ZNF148: variants seen among roughly 807,000 people sequenced by gnomAD.
ZNF148 encodes zinc finger protein 148.
A neutral mutation model predicts 67.7 loss-of-function variants in ZNF148; 7 were observed. That is an observed-to-expected ratio of 0.10 (90% CI 0.06 to 0.19). The LOEUF (loss-of-function observed/expected upper bound fraction) is 0.19, where lower values mean the gene tolerates loss of function less well. ZNF148 is among the 10% of genes least tolerant of loss of function. The pLI is 1.00. For synonymous variants in ZNF148, 333 were observed against 330.7 expected, an observed-to-expected ratio of 1.01 and a Z score of -0.08; for missense variants, 583 against 947.1, an observed-to-expected ratio of 0.62 and a Z score of 5.05.
chr3:125,287,821 A>G lies in ZNF148; in HGVS notation c.459+282T>C, dbSNP rs571188161. Among the ~76,000 whole-genome samples the G allele has an allele frequency of 2.0e-5, 3 of 152,326 alleles. No individual in the cohort carries two copies. In the East Asian group the frequency reaches 5.8e-4, roughly 29 times the overall value. On this transcript the variant is annotated intron_variant, in intron 5 of 8. Transcript: ENST00000360647. ...ATTTTCCTGAAACCTTAATATAAAG[A>G]TAAGGAAAACTAATACAAATGAGAA...
chr3:125,349,566 A>T (rs1463403802), intron 1 of ZNF148, among the ~76,000 whole-genome samples: 3 of 152,242 alleles, frequency 2.0e-5, no homozygotes. Flanking sequence ...TATTATTAAA[A>T]ATCATAAACT....
intron 1 of ZNF148, among the ~76,000 whole-genome samples, chr3:125,364,211 C>A (rs772940439): frequency 2.0e-5 from 3 of 152,014 alleles, no homozygotes; most frequent in Non-Finnish European, 2.9e-5. Context: ...AAAGCCTGGC[C>A]AATATGGCAA....
At position 125,229,943 on chromosome 3, in the gene ZNF148, G is replaced by C. The variant is rs1935785373; in HGVS notation, c.*2398C>G. On this transcript the variant is annotated 3_prime_UTR_variant, in exon 9 of 9. Coordinates refer to ENST00000360647, the MANE Select transcript of ZNF148 (RefSeq NM_021964.3). ...AATGGTAAGTCAATAAGTTATGCTG[G>C]CTGAGTATCACTTATCTAAAAACTG... is the stretch of plus-strand genomic sequence containing the variant. 1 of 152,528 alleles carries C rather than the reference G, an allele frequency of 6.6e-6. No individual in the cohort carries two copies. The highest frequency in any genetic ancestry group is 2.4e-5 in the African/African-American group (1 of 41,424). 9.4% of individuals were successfully genotyped at this position (152,528 alleles called of 1,614,324 possible). A position where few individuals can be genotyped will look rare whatever the true frequency, so the allele number is the denominator to read the frequency against.
intron 4 of ZNF148, among the ~76,000 whole-genome samples, chr3:125,291,989 C>T (rs1040336331): frequency 1.3e-5 from 2 of 152,150 alleles, no homozygotes; most frequent in Admixed American, 1.3e-4. Context: ...AACGTACTGT[C>T]TAACGAATGT....
At chr3:125,305,913 AAC>A (rs1939853918) in intron 4 of ZNF148, among the ~76,000 whole-genome samples, 1 of 152,184 alleles carries the variant, frequency 6.6e-6, no homozygotes, top group African/African-American at 2.4e-5. Context: ...GTACACATAG[AAC>A]ACTCACCAAA....
chr3:125,336,542 T>A (rs1941499891), intron 1 of ZNF148, among the ~76,000 whole-genome samples: 1 of 152,156 alleles, frequency 6.6e-6, no homozygotes, highest in Admixed American at 6.5e-5. Flanking sequence ...GTTATTAAGA[T>A]TCCCTCTAAG....
At chr3:125,371,792 C>T (rs560134201) in intron 1 of ZNF148, among the ~76,000 whole-genome samples, 11 of 151,422 alleles carry the variant, frequency 7.3e-5, no homozygotes, top group Admixed American at 5.9e-4. Flanking sequence ...AGGCCGGGCG[C>T]GGAGACTCAT....
At chr3:125,372,484 C>T (rs865956712) in intron 1 of ZNF148, among the ~76,000 whole-genome samples, 1 of 152,094 alleles carries the variant, frequency 6.6e-6, no homozygotes. Flanking sequence ...CTTCTGACTC[C>T]GATAATGTCA....
chr3:125,250,981 T>C (rs1936817324), intron 7 of ZNF148, among the ~76,000 whole-genome samples: 1 of 152,194 alleles, frequency 6.6e-6, no homozygotes, highest in African/African-American at 2.4e-5. Flanking sequence ...GCTTCAATAA[T>C]TACCAATAAT....
At chr3:125,331,629 C>A (rs539169203) in intron 1 of ZNF148, among the ~76,000 whole-genome samples, 26 of 152,268 alleles carry the variant, frequency 1.7e-4, no homozygotes, top group African/African-American at 4.8e-4. Context: ...AGCACTATTT[C>A]TTGATAAACT....
At chr3:125,277,340 C>A (rs1579685486) in intron 7 of ZNF148, among the ~76,000 whole-genome samples, 1 of 152,066 alleles carries the variant, frequency 6.6e-6, no homozygotes, top group African/African-American at 2.4e-5. Context: ...AAGGTATATA[C>A]ATGAAAGGGA....
At chr3:125,286,520 A>ACCCTTTGAT (rs1236558363) in intron 5 of ZNF148, among the ~76,000 whole-genome samples, 2 of 152,184 alleles carry the variant, frequency 1.3e-5, no homozygotes. Flanking sequence ...AAAAGTTCAC[A>ACCCTTTGAT]CCCTTTGATC....
chr3:125,260,807 C>G (rs1054602248), intron 7 of ZNF148, among the ~76,000 whole-genome samples: 1 of 152,098 alleles, frequency 6.6e-6, no homozygotes, highest in Non-Finnish European at 1.5e-5. Context: ...TCATGGAAAA[C>G]GAAGATTTAA....
intron 7 of ZNF148, among the ~76,000 whole-genome samples, chr3:125,237,717 AT>A (rs985187975): frequency 2.0e-5 from 3 of 152,224 alleles, no homozygotes; most frequent in Non-Finnish European, 4.4e-5. Context: ...AATTCTATAT[AT>A]TTGTGGATTG....
chr3:125,231,279 C>T lies in ZNF148; in HGVS notation c.*1062G>A, dbSNP rs510232. ...AAAGATTAAACCAGGTTTTACAGTT[C>T]CAAAGATATCCCAATTTCCTTTTAT... On this transcript the variant is annotated 3_prime_UTR_variant, in exon 9 of 9. Coordinates refer to ENST00000360647, the MANE Select transcript of ZNF148 (RefSeq NM_021964.3). The T allele has an allele frequency of 4.4e-3, 666 of 152,488 alleles. 4 individuals are homozygous for T. Among genetic ancestry groups the T allele is most frequent in the African/African-American group, 6.2e-3 (258 of 41,518 alleles). 9.4% of individuals were successfully genotyped at this position (152,488 alleles called of 1,614,324 possible). A position where few individuals can be genotyped will look rare whatever the true frequency, so the allele number is the denominator to read the frequency against.
rs1231247102 is a variant in ZNF148, at chr3:125,305,602, AGGAGTGT to A, written c.333+7699_333+7705del. Among the ~76,000 whole-genome samples, 8 of 152,224 alleles carry A rather than the reference AGGAGTGT, an allele frequency of 5.3e-5. No homozygotes were observed. The East Asian group carries it at 1.5e-3, about 29-fold the overall frequency. On this transcript the variant is annotated intron_variant, in intron 4 of 8. Transcript: ENST00000360647. The stretch of plus-strand genomic sequence containing the variant: ...GAAAGCAGGAGGATCGCTCGAACCC[AGGAGTGT>A]GAGACTAGCCTGGGCAACATAGTGA...
At chr3:125,321,146 C>CCATTT (rs1559754633) in intron 3 of ZNF148, among the ~76,000 whole-genome samples, 1 of 152,126 alleles carries the variant, frequency 6.6e-6, no homozygotes, top group Non-Finnish European at 1.5e-5. Flanking sequence ...AGATATACCT[C>CCATTT]TGTATAACTA....
chr3:125,331,822 T>C (rs191873353), intron 1 of ZNF148, among the ~76,000 whole-genome samples: 94 of 152,290 alleles, frequency 6.2e-4, no homozygotes, highest in African/African-American at 1.9e-3. Flanking sequence ...CACAGAAAAT[T>C]AACATTCCAC....
chr3:125,315,134 C>T (rs1940423199), intron 3 of ZNF148: 1 of 152,158 alleles, frequency 6.6e-6, no homozygotes, highest in African/African-American at 2.4e-5. Flanking sequence ...TCAAAAATTT[C>T]ATTTATCACA....
Sources: allele counts gnomAD v4.1 joint callset (sites outside exome capture counted in the v4.1 genomes callset), GRCh38; gene constraint gnomAD v4.1.1; transcripts MANE v1.5; gene names NCBI Gene and HGNC (gene_info 2026-07-23, HGNC 2026-07-21).